GCC2: variants seen among roughly 807,000 people sequenced by gnomAD.
GCC2 encodes GRIP and coiled-coil domain-containing protein 2.
In GCC2, 120 loss-of-function variants were observed where a neutral mutation model predicts 210.6. The ratio of observed to expected loss-of-function variants is 0.57; its 90% CI spans 0.49 to 0.66. The LOEUF (loss-of-function observed/expected upper bound fraction) is 0.66, where lower values mean the gene tolerates loss of function less well. Among genes scored for constraint, GCC2 ranks in the 30% least tolerant of loss-of-function variants. GCC2 has a pLI of 0.00. For missense variants in GCC2, 1,868 were observed against 1,871.9 expected (o/e 1.00, Z 0.04); for synonymous variants, 703 against 652.7 (o/e 1.08, Z -1.17).
At chr2:108,462,932 T>G (rs938232276) in intron 4 of GCC2, among the ~76,000 whole-genome samples, 13 of 152,062 alleles carry the variant, frequency 8.5e-5, no homozygotes, top group African/African-American at 2.9e-4. Flanking sequence ...AAAAAAGACC[T>G]GTCTTTAAGT....
chr2:108,503,869 G>C (rs1053535571), intron 22 of GCC2, among the ~76,000 whole-genome samples: 2 of 152,136 alleles, frequency 1.3e-5, no homozygotes, highest in Non-Finnish European at 2.9e-5. Flanking sequence ...AACAGTTTGG[G>C]AAGACCAGGC....
intron 12 of GCC2, 55 bp downstream of exon 12, chr2:108,483,221 G>T: frequency 1.1e-6 from 1 of 916,940 alleles, no homozygotes; most frequent in Non-Finnish European, 1.8e-6. Context: ...GTTCTGTTTT[G>T]TTGTTCTGTT....
chr2:108,506,928 T>C (rs995864781), intron 22 of GCC2, among the ~76,000 whole-genome samples: 1 of 152,068 alleles, frequency 6.6e-6, no homozygotes, highest in Admixed American at 6.5e-5. Context: ...CATTTCTGCA[T>C]GATTTTCATA....
intron 1 of GCC2, among the ~76,000 whole-genome samples, 175 bp from the exon 2 acceptor site, chr2:108,449,458 C>T (rs1679782706): frequency 6.6e-6 from 1 of 152,218 alleles, no homozygotes; most frequent in African/African-American, 2.4e-5. Flanking sequence ...CCCCGTAGAG[C>T]CCGTTTGTGT....
intron 4 of GCC2, among the ~76,000 whole-genome samples, chr2:108,459,527 A>G (rs761326594): frequency 5.3e-5 from 8 of 151,932 alleles, no homozygotes; most frequent in Non-Finnish European, 1.0e-4. Context: ...TTTAAATGCA[A>G]TGTTTCTTTG....
intron 4 of GCC2, among the ~76,000 whole-genome samples, chr2:108,467,984 T>G (rs1680991817): frequency 1.3e-5 from 2 of 152,126 alleles, no homozygotes; most frequent in African/African-American, 4.8e-5. Flanking sequence ...TCAGTAAAGC[T>G]TTATTTTTAA....
At chr2:108,501,311 A>T (rs1201399760) in intron 22 of GCC2, among the ~76,000 whole-genome samples, 1 of 152,082 alleles carries the variant, frequency 6.6e-6, no homozygotes, top group African/African-American at 2.4e-5. Context: ...ATCTATAACA[A>T]TTATATATAT....
At chr2:108,454,566 G>A (rs1680146290) in intron 4 of GCC2, among the ~76,000 whole-genome samples, 1 of 152,152 alleles carries the variant, frequency 6.6e-6, no homozygotes, top group Admixed American at 6.5e-5. Context: ...ATCCATGATA[G>A]CCACAGTACA....
intron 2 of GCC2, 47 bp from the exon 3 acceptor site, chr2:108,450,981 T>C (rs758151993): frequency 1.0e-5 from 12 of 1,190,962 alleles, no homozygotes; most frequent in Non-Finnish European, 1.5e-5. Context: ...TGTGGTATAC[T>C]AGAAACATGA....
rs200324380 is a variant in GCC2 at position 108,463,001 on chromosome 2, GT to G, written c.217-5973del. 4.0e-3 allele frequency among the ~76,000 whole-genome samples: 610 copies of G among 151,458 alleles called. 1 individual carries two copies. The highest frequency in any genetic ancestry group is 4.6e-3 in the Non-Finnish European group (311 of 67,828). On this transcript the variant is annotated intron_variant, in intron 4 of 22. Coordinates refer to ENST00000309863, the MANE Select transcript of GCC2 (RefSeq NM_181453.4). ...TTGTTGAAGCTTTTGAATGTATTTT[GT>G]TTTTTATTCTATGAATTCTTCAGTT...
At position 108,492,761 on chromosome 2, in the gene GCC2, T is replaced by A; in HGVS notation, c.4418T>A (p.Phe1473Tyr). ...QQLSKMEAQLFQLKNEPTTRS... is the reference protein window; with the variant it reads ...QQLSKMEAQLYQLKNEPTTRS... ...CTCTCCAAGATGGAAGCACAGCTCT[T>A]CCAGCTTAAGAATGAACCGACCACA... Residue 1473 changes from phenylalanine (F) to tyrosine (Y), a missense_variant, in exon 19 of 23, where the codon TTC (phenylalanine) becomes TAC (tyrosine). Coordinates refer to ENST00000309863, the MANE Select transcript of GCC2 (RefSeq NM_181453.4). 1 of 1,613,608 alleles carries A rather than the reference T, an allele frequency of 6.2e-7. No homozygotes were observed. Among genetic ancestry groups the A allele is most frequent in the Non-Finnish European group, 8.5e-7 (1 of 1,179,502 alleles).
chr2:108,501,338 T>C (rs943108725), intron 22 of GCC2, among the ~76,000 whole-genome samples: 7 of 152,140 alleles, frequency 4.6e-5, no homozygotes, highest in Admixed American at 1.3e-4. Context: ...ATTTTTAATG[T>C]GCCACTTATT....
intron 3 of GCC2, among the ~76,000 whole-genome samples, chr2:108,451,841 C>CT (rs367697586): frequency 0.038 from 4,758 of 124,900 alleles, 287 homozygotes; most frequent in African/African-American, 0.12. Context: ...CTCTCTCTCT[C>CT]TTTTTTTTTT....
At position 108,471,301 on chromosome 2, in the gene GCC2, GA is replaced by G; in HGVS notation, c.1976del (p.Lys659ArgfsTer8). 1 of 1,611,902 alleles carries G rather than the reference GA, an allele frequency of 6.2e-7. No homozygotes were observed. Among genetic ancestry groups the G allele is most frequent in the African/African-American group, 1.3e-5 (1 of 74,926 alleles). On this transcript the variant is annotated frameshift_variant, in exon 6 of 23. Transcript: ENST00000309863. LOFTEE classifies it high-confidence loss of function. ...LTGGLEETLK[E>X]KDQNDQKLEK... Reference sequence around the variant, plus strand: ...AGGAGGACTAGAGGAGACTTTAAAAGAAAAGGATCAAAATGACCAAAAACTA... The same window carrying G: ...AGGAGGACTAGAGGAGACTTTAAAAGAAAGGATCAAAATGACCAAAAACTA...
rs111823638 is a variant in GCC2 at position 108,486,555 on chromosome 2, G to A, written c.3837G>A (p.Glu1279=). The A allele has an allele frequency of 2.3e-4, 368 of 1,614,070 alleles. 2 individuals are homozygous for A. In the African/African-American group the frequency reaches 3.8e-3, roughly 17 times the overall value. ...CATCAGAGAAGCACAAAATCCACGA[G>A]CACCTGAAAACCTCTGCGGAACAGC... ...EITSEKHKIH[E]HLKTSAEQHQ... is the part of the protein sequence containing the mutation. Residue 1279 remains glutamate (E), a synonymous_variant, in exon 16 of 23, where the codon GAG becomes GAA. Transcript: ENST00000309863.
At position 108,481,831 on chromosome 2, in the gene GCC2, A is replaced by C; in HGVS notation, c.3180+15A>C. 6.5e-7 allele frequency: 1 copy of C among 1,530,130 alleles called. No individual in the cohort carries two copies. The highest frequency in any genetic ancestry group is 8.8e-7 in the Non-Finnish European group (1 of 1,134,050). 94.8% of individuals were successfully genotyped at this position (1,530,130 alleles called of 1,614,324 possible). On this transcript the variant is annotated intron_variant, in intron 10 of 22. Coordinates refer to ENST00000309863, the MANE Select transcript of GCC2 (RefSeq NM_181453.4). Reference sequence around the variant, plus strand: ...CGACTTTGCAGGTAATTTTTTAATAAATCCAAAAATGAAAACTATAACAGG... The same window carrying C: ...CGACTTTGCAGGTAATTTTTTAATACATCCAAAAATGAAAACTATAACAGG...
In GCC2 at chr2:108,472,135, C is replaced by G; in HGVS notation, c.2787+19C>G. 7.0e-7 allele frequency: 1 copy of G among 1,419,720 alleles called. No homozygotes were observed. The highest frequency in any genetic ancestry group is 9.4e-7 in the Non-Finnish European group (1 of 1,063,972). The allele number at this position is 1,419,720 out of a possible 1,614,324, so 87.9% of individuals were successfully genotyped here. ...ATTAAAGGTACCATTCATTTGAATT[C>G]TATTGTTTCAAATAAATTCTTAGTT... is the stretch of plus-strand genomic sequence containing the variant. On this transcript the variant is annotated intron_variant, in intron 6 of 22. Transcript: ENST00000309863.
At chr2:108,462,209 G>A (rs1181410934) in intron 4 of GCC2, among the ~76,000 whole-genome samples, 1 of 145,474 alleles carries the variant, frequency 6.9e-6, no homozygotes, top group Non-Finnish European at 1.5e-5. Context: ...TAAATATTTG[G>A]AGGCCGGGCG....
chr2:108,471,929 C>T lies in GCC2; in HGVS notation c.2600C>T (p.Ala867Val), dbSNP rs1243229382. The T allele has an allele frequency of 1.9e-6, 3 of 1,601,306 alleles. No homozygotes were observed. Among genetic ancestry groups the T allele is most frequent in the Non-Finnish European group, 8.5e-7 (1 of 1,176,210 alleles). Residue 867 changes from alanine (A) to valine (V), a missense_variant, in exon 6 of 23, where the codon GCT becomes GTT. Coordinates refer to ENST00000309863, the MANE Select transcript of GCC2 (RefSeq NM_181453.4). ...TCTGATCTTCTAGAAATGAAGAATG[C>T]TAATGAAAAAACAAGGCTTGAAAAT... ...LQSDLLEMKN[A>V]NEKTRLENQN...
Sources: allele counts gnomAD v4.1 joint callset (sites outside exome capture counted in the v4.1 genomes callset), GRCh38; gene constraint gnomAD v4.1.1; transcripts MANE v1.5; gene names NCBI Gene and HGNC (gene_info 2026-07-23, HGNC 2026-07-21).